Variants in STK31 observed in about 807,000 individuals in gnomAD.
STK31 encodes serine/threonine kinase 31.
In STK31, 89 loss-of-function variants were observed where a neutral mutation model predicts 129.7. The ratio of observed to expected loss-of-function variants is 0.69; its 90% CI spans 0.58 to 0.82. STK31 has a LOEUF of 0.82. Ranked by LOEUF, STK31 falls within the 40% of genes least tolerant of loss-of-function variation. The pLI, the probability that STK31 is intolerant of heterozygous loss-of-function variation, is 0.00. For synonymous variants in STK31, 448 were observed against 395.3 expected (o/e 1.13, Z -1.58); for missense variants, 1,187 against 1,176.4 (o/e 1.01, Z -0.13).
rs761994820 is a variant in STK31, at chr7:23,771,131, T to C, written c.1833+7T>C. Reference sequence around the variant, plus strand: ...GTACAAGGACAGTATTGAGGTTTGATTGTGCTTTCTCTTATTGATCTTATA... The same window carrying C: ...GTACAAGGACAGTATTGAGGTTTGACTGTGCTTTCTCTTATTGATCTTATA... On this transcript the variant is annotated splice_region_variant and intron_variant, in intron 14 of 23. Transcript: ENST00000355870. 9 of 1,559,684 alleles carry C rather than the reference T, an allele frequency of 5.8e-6. No individual in the cohort carries two copies. Among genetic ancestry groups the C allele is most frequent in the Non-Finnish European group, 6.9e-6 (8 of 1,160,350 alleles).
intron 8 of STK31, among the ~76,000 whole-genome samples, chr7:23,751,891 A>G (rs1486095311): frequency 6.9e-6 from 1 of 144,554 alleles, no homozygotes; most frequent in African/African-American, 2.5e-5. Flanking sequence ...ATTTGCATAT[A>G]GTATTTTTAT....
At chr7:23,731,123 A>G (rs755117852) in intron 6 of STK31, among the ~76,000 whole-genome samples, 1 of 151,680 alleles carries the variant, frequency 6.6e-6, no homozygotes, top group African/African-American at 2.4e-5. Flanking sequence ...ACTTCAAGAG[A>G]TCCCCCTGTC....
intron 3 of STK31, among the ~76,000 whole-genome samples, chr7:23,712,991 AAGG>A (rs1376349796): frequency 2.0e-5 from 3 of 152,164 alleles, no homozygotes; most frequent in African/African-American, 7.2e-5. Context: ...TGTGGGAAAT[AAGG>A]AGAATATATG....
At chr7:23,776,746 T>C (rs1033980138) in intron 15 of STK31, among the ~76,000 whole-genome samples, 1 of 152,206 alleles carries the variant, frequency 6.6e-6, no homozygotes, top group African/African-American at 2.4e-5. Flanking sequence ...TCTATCTATT[T>C]TGTTGATCTT....
At position 23,735,608 on chromosome 7, in the gene STK31, A is replaced by G; in HGVS notation, c.554A>G (p.Asp185Gly). 1 of 1,613,946 alleles carries G rather than the reference A, an allele frequency of 6.2e-7. No individual in the cohort carries two copies. Among genetic ancestry groups the G allele is most frequent in the Non-Finnish European group, 8.5e-7 (1 of 1,179,922 alleles). ...ATGAGAATTAAAGCAACCTCTGAAGATGGAACAGTTATTGCTCAGGCTGAG... is the reference window on the plus strand; with the variant it reads ...ATGAGAATTAAAGCAACCTCTGAAGGTGGAACAGTTATTGCTCAGGCTGAG... ...IKMRIKATSE[D>G]GTVIAQAEYG... The change falls in exon 7 of 24, where the codon GAT becomes GGT. Residue 185 changes from aspartate to glycine, a missense_variant. Coordinates refer to ENST00000355870, the MANE Select transcript of STK31 (RefSeq NM_031414.5).
intron 8 of STK31, among the ~76,000 whole-genome samples, 176 bp from the exon 9 acceptor site, chr7:23,752,541 A>C (rs996219896): frequency 6.6e-6 from 1 of 152,132 alleles, no homozygotes; most frequent in Non-Finnish European, 1.5e-5. Context: ...GGGTTTTGCC[A>C]CATTGTCCAG....
intron 22 of STK31, among the ~76,000 whole-genome samples, chr7:23,808,978 T>TGTGTGTGTGTGTGTGTGTG (rs1792913812): frequency 6.7e-6 from 1 of 149,836 alleles, no homozygotes; most frequent in Non-Finnish European, 1.5e-5. Context: ...TGTGCCTGTG[T>TGTGTGTGTGTGTGTGTGTG]CTGTTGGCAT....
chr7:23,741,890 A>C (rs1261692902), intron 8 of STK31, among the ~76,000 whole-genome samples: 1 of 152,182 alleles, frequency 6.6e-6, no homozygotes, highest in East Asian at 1.9e-4. Context: ...AGCTGCAGTC[A>C]TGTCAGCCTA....
chr7:23,780,736 T>A (rs1790871990), intron 15 of STK31, among the ~76,000 whole-genome samples: 1 of 152,222 alleles, frequency 6.6e-6, no homozygotes, highest in Admixed American at 6.5e-5. Flanking sequence ...ATTTACCTTG[T>A]CAGGGTAAAA....
intron 23 of STK31, among the ~76,000 whole-genome samples, chr7:23,827,711 C>T (rs1253302973): frequency 1.3e-5 from 2 of 152,102 alleles, no homozygotes; most frequent in South Asian, 4.2e-4. Flanking sequence ...TGTTTTTTCC[C>T]CATCTTTGTG....
At chr7:23,730,872 A>ATTTTTTTT (rs1455690740) in intron 6 of STK31, among the ~76,000 whole-genome samples, 16 of 56,108 alleles carry the variant, frequency 2.9e-4, no homozygotes, top group Non-Finnish European at 4.4e-4. Flanking sequence ...ATATATATAT[A>ATTTTTTTT]TATATATTTT....
intron 17 of STK31, among the ~76,000 whole-genome samples, chr7:23,784,190 TAATCTGTTAGTCCTG>T (rs1282539678): frequency 2.0e-5 from 3 of 152,130 alleles, no homozygotes; most frequent in African/African-American, 7.2e-5. Flanking sequence ...ACTGGTTTAC[TAATCTGTTAGTCCTG>T]AATCTGTTAG....
intron 9 of STK31, among the ~76,000 whole-genome samples, chr7:23,753,956 C>G (rs566937261): frequency 1.6e-4 from 25 of 152,222 alleles, no homozygotes; most frequent in Non-Finnish European, 2.8e-4. Context: ...TGTAAATTAT[C>G]TGTAGACCAA....
intron 22 of STK31, among the ~76,000 whole-genome samples, chr7:23,797,752 A>G (rs748857034): frequency 9.9e-5 from 15 of 152,060 alleles, no homozygotes; most frequent in Admixed American, 3.3e-4. Context: ...GACAAGAAAT[A>G]ATTAAGATCA....
rs1160015588 is a variant in STK31, at chr7:23,810,706, ATATAAAATAG to A, written c.2761-4437_2761-4428del. 6.3e-3 allele frequency among the ~76,000 whole-genome samples: 513 copies of A among 81,180 alleles called. 4 individuals carry two copies. Among genetic ancestry groups the A allele is most frequent in the Middle Eastern group, 0.03 (5 of 164 alleles). The allele number at this position is 81,180 out of a possible 152,430, so 53.3% of individuals were successfully genotyped here. On this transcript the variant is annotated intron_variant, in intron 22 of 23. Transcript: ENST00000355870. ...TAGATATTATATATAAAATAGATAT[ATATAAAATAG>A]ATATATATAAAATAGATATATATAA...
intron 23 of STK31, among the ~76,000 whole-genome samples, chr7:23,827,268 C>G (rs544610981): frequency 2.0e-5 from 3 of 152,246 alleles, no homozygotes; most frequent in African/African-American, 7.2e-5. Context: ...TCACGTAGTC[C>G]CATATTTCTT....
intron 10 of STK31, among the ~76,000 whole-genome samples, chr7:23,759,144 G>A (rs182928597): frequency 5.5e-4 from 84 of 152,314 alleles, no homozygotes; most frequent in Admixed American, 1.4e-3. Context: ...CAAGTTCTTA[G>A]AGACCTACAA....
intron 23 of STK31, among the ~76,000 whole-genome samples, chr7:23,816,405 CT>C (rs1238383087): frequency 1.3e-5 from 2 of 152,146 alleles, no homozygotes; most frequent in Non-Finnish European, 2.9e-5. Flanking sequence ...TTAGTTTAAA[CT>C]TAAAACTTAT....
chr7:23,766,785 T>C (rs1789855871), intron 11 of STK31, among the ~76,000 whole-genome samples: 1 of 152,236 alleles, frequency 6.6e-6, no homozygotes, highest in Non-Finnish European at 1.5e-5. Context: ...ATTTTTTCTC[T>C]TATTCTGAGA....
Sources: allele counts gnomAD v4.1 joint callset (sites outside exome capture counted in the v4.1 genomes callset), GRCh38; gene constraint gnomAD v4.1.1; transcripts MANE v1.5; gene names NCBI Gene and HGNC (gene_info 2026-07-23, HGNC 2026-07-21).